The following CCL3L3 variants were observed in gnomAD, a reference collection of about 807,000 sequenced individuals.
CCL3L3 encodes the protein C-C motif chemokine 3-like 1.
A neutral mutation model predicts 9.0 loss-of-function variants in CCL3L3; 6 were observed. The observed-to-expected ratio is 0.67, with a 90% CI of 0.37 to 1.32. CCL3L3 has a LOEUF of 1.32. Ranked by LOEUF, CCL3L3 falls within the 40% of genes most tolerant of loss-of-function variation. The pLI, the probability that CCL3L3 is intolerant of heterozygous loss-of-function variation, is 0.02. For synonymous variants in CCL3L3, 38 were observed against 45.7 expected, an observed-to-expected ratio of 0.83 and a Z score of 0.68; for missense variants, 93 against 117.0, an observed-to-expected ratio of 0.79 and a Z score of 0.95.
chr17:36,196,026 G>A (rs2068617498), intron 1 of CCL3L3, 114 bp from the exon 2 acceptor site: 1 of 1,129,608 alleles, frequency 8.9e-7, no homozygotes, highest in East Asian at 2.7e-5. Flanking sequence ...GTGACTGCAA[G>A]GCATTTGGGG....
At position 36,195,347 on chromosome 17, in the gene CCL3L3, C is replaced by G. The variant is rs1346831990; in HGVS notation, c.221G>C (p.Cys74Ser). 3.2e-6 allele frequency: 5 copies of G among 1,582,824 alleles called. 1 individual carries two copies. The highest frequency in any genetic ancestry group is 4.3e-6 in the Non-Finnish European group (5 of 1,157,738). ...GACCCACTCCTCACTGGGGTCAGCACAGACCTGCCGGCCTCTCTTGGTTAG... is the reference window on the plus strand; with the variant it reads ...GACCCACTCCTCACTGGGGTCAGCAGAGACCTGCCGGCCTCTCTTGGTTAG... ...IFLTKRGRQV[C>S]ADPSEEWVQK... The change falls in exon 3 of 3, where the codon TGT becomes TCT. Residue 74 changes from cysteine to serine, a missense_variant. Transcript: ENST00000619989.
intron 2 of CCL3L3, 140 bp from the exon 3 acceptor site, chr17:36,195,516 T>C: frequency 1.6e-6 from 2 of 1,230,616 alleles, no homozygotes; most frequent in South Asian, 1.2e-5. Flanking sequence ...CCTATCTCCG[T>C]CTAGAGAGCT....
At chr17:36,196,572 T>TA in intron 1 of CCL3L3, 26 bp downstream of exon 1, 1 of 1,577,264 alleles carries the variant, frequency 6.3e-7, no homozygotes, top group South Asian at 1.1e-5. Context: ...AGAGTGGTGA[T>TA]ACCCACAACA....
rs1391105475 is a variant in CCL3L3 at position 36,194,917 on chromosome 17, C to T, written c.*369G>A. 6 of 262,396 alleles carry T rather than the reference C, an allele frequency of 2.3e-5. No individual in the cohort carries two copies. The East Asian group carries it at 2.4e-4, about 10-fold the overall frequency. The allele number at this position is 262,396 out of a possible 1,614,324, so 16.3% of individuals were successfully genotyped here. On this transcript the variant is annotated 3_prime_UTR_variant, in exon 3 of 3. Transcript: ENST00000619989. ...TATTATTTCCCCAGGCCGATCACAG[C>T]CCTGAACAAAAGCATCTGATACACA...
chr17:36,196,018 G>A, intron 1 of CCL3L3, 106 bp from the exon 2 acceptor site: 1 of 1,184,388 alleles, frequency 8.4e-7, no homozygotes, highest in Non-Finnish European at 1.2e-6. Flanking sequence ...CAGACCAAGT[G>A]ACTGCAAGGC....
In CCL3L3 at chr17:36,195,088, A is replaced by G; in HGVS notation, c.*198T>C. 1 of 610,894 alleles carries G rather than the reference A, an allele frequency of 1.6e-6. No individual in the cohort carries two copies. Among genetic ancestry groups the G allele is most frequent in the Non-Finnish European group, 2.8e-6 (1 of 355,402 alleles). The allele number at this position is 610,894 out of a possible 1,614,324, so 37.8% of individuals were successfully genotyped here. On this transcript the variant is annotated 3_prime_UTR_variant, in exon 3 of 3. Coordinates refer to ENST00000619989, the MANE Select transcript of CCL3L3 (RefSeq NM_001001437.4). Reference sequence around the variant, plus strand: ...CAATCACAAACACACTGTGAAATCAAAAATAAATTATAAAAACTAAATAGT... The same window carrying G: ...CAATCACAAACACACTGTGAAATCAGAAATAAATTATAAAAACTAAATAGT...
intron 2 of CCL3L3, 174 bp downstream of exon 2, chr17:36,195,622 CTG>C (rs1435548722): frequency 3.3e-5 from 35 of 1,075,860 alleles, no homozygotes; most frequent in Admixed American, 1.1e-4. Flanking sequence ...CTTCCTGACT[CTG>C]TAACACCCAC....
At chr17:36,196,001 G>C in intron 1 of CCL3L3, 89 bp from the exon 2 acceptor site, 6 of 1,314,052 alleles carry the variant, frequency 4.6e-6, no homozygotes, top group Non-Finnish European at 4.1e-6. Context: ...AGGAGGGCAG[G>C]CTTGCTCAGA....
At chr17:36,195,944 A>G (rs1231512709) in intron 1 of CCL3L3, 32 bp from the exon 2 acceptor site, 1 of 1,203,636 alleles carries the variant, frequency 8.3e-7, no homozygotes, top group Non-Finnish European at 1.1e-6. Context: ...AGCCCGAGTC[A>G]CAGCTCAGAA....
chr17:36,196,226 A>G, intron 1 of CCL3L3: 1 of 638,498 alleles, frequency 1.6e-6, no homozygotes, highest in South Asian at 1.6e-5. Flanking sequence ...CATCTCTCAT[A>G]AGACATCCAA....
rs1252481100 is a variant in CCL3L3 at position 36,196,628 on chromosome 17, C to T, written c.46G>A (p.Ala16Thr). ...AALAVLLCTM[A>T]LCNQVLSAPL... is the part of the protein sequence containing the mutation. ...GCAGAGAGGACCTGGTTGCAGAGAG[C>T]CATGGTGCAGAGGAGGACGGCAAGG... Residue 16 changes from alanine (A) to threonine (T), a missense_variant, in exon 1 of 3, where the codon GCT becomes ACT. Ala to Thr is a moderately conservative substitution (Grantham distance 58). Coordinates refer to ENST00000619989, the MANE Select transcript of CCL3L3 (RefSeq NM_001001437.4). 226 of 1,580,958 alleles carry T rather than the reference C, an allele frequency of 1.4e-4. 29 individuals are homozygous for T. The highest frequency in any genetic ancestry group is 1.9e-4 in the Non-Finnish European group (216 of 1,156,390).
At position 36,196,696 on chromosome 17, in the gene CCL3L3, G is replaced by T; in HGVS notation, c.-23C>A. Reference sequence around the variant, plus strand: ...CATGATTGGGAGCAGGTGATGGAATGTGGGCTCGAGTGTCAGCAGAGCCAA... The same window carrying T: ...CATGATTGGGAGCAGGTGATGGAATTTGGGCTCGAGTGTCAGCAGAGCCAA... On this transcript the variant is annotated 5_prime_UTR_variant, in exon 1 of 3. Transcript: ENST00000619989. 6.3e-7 allele frequency: 1 copy of T among 1,577,336 alleles called. No individual in the cohort carries two copies. The highest frequency in any genetic ancestry group is 8.7e-7 in the Non-Finnish European group (1 of 1,153,522).
rs1480252019 is a variant in CCL3L3 at position 36,196,533 on chromosome 17, A to G, written c.76+65T>C. On this transcript the variant is annotated intron_variant, in intron 1 of 2. Transcript: ENST00000619989. ...TCTTCGGGGCTCTCAGGCCACAAAA[A>G]AAGACTGATGTGGTCTAACCATGGC... The G allele has an allele frequency of 2.6e-6, 4 of 1,536,546 alleles. No individual in the cohort carries two copies. In the East Asian group the frequency reaches 9.0e-5, roughly 35 times the overall value.
At position 36,195,815 on chromosome 17, in the gene CCL3L3, G is replaced by A. The variant is rs1234016383; in HGVS notation, c.174C>T (p.Cys58=). 6.3e-7 allele frequency: 1 copy of A among 1,582,948 alleles called. No homozygotes were observed. The highest frequency in any genetic ancestry group is 1.3e-5 in the African/African-American group (1 of 74,784). ...GCACTTACATGACACTGGGCTTGGA[G>A]CACTGGCTGCTCGTCTCAAAGTAGT... ...IADYFETSSQ[C]SKPSVIFLTK... The change falls in exon 2 of 3, where the codon TGC becomes TGT. Residue 58 remains cysteine, a synonymous_variant. Coordinates refer to ENST00000619989, the MANE Select transcript of CCL3L3 (RefSeq NM_001001437.4).
At chr17:36,195,982 G>A in intron 1 of CCL3L3, 70 bp from the exon 2 acceptor site, 2 of 1,530,608 alleles carry the variant, frequency 1.3e-6, no homozygotes, top group Non-Finnish European at 1.8e-6. Context: ...TCTGATCCCT[G>A]AGTGGTTGAG....
rs2068616836 is a variant in CCL3L3 at position 36,195,962 on chromosome 17, C to T, written c.77-50G>A. 12 of 1,208,074 alleles carry T rather than the reference C, an allele frequency of 9.9e-6. 2 individuals carry two copies. Among genetic ancestry groups the T allele is most frequent in the Non-Finnish European group, 1.2e-5 (11 of 895,072 alleles). 74.8% of individuals were successfully genotyped at this position (1,208,074 alleles called of 1,614,324 possible). A position where few individuals can be genotyped will look rare whatever the true frequency, so the allele number is the denominator to read the frequency against. ...CCGAGTCACAGCTCAGAAGAAAAGG[C>T]CAGGCAGCTTCTGATCCCTGAGTGG... On this transcript the variant is annotated intron_variant, in intron 1 of 2. Coordinates refer to ENST00000619989, the MANE Select transcript of CCL3L3 (RefSeq NM_001001437.4).
rs534180260 is a variant in CCL3L3, at chr17:36,196,512, C to T, written c.76+86G>A. The T allele has an allele frequency of 9.0e-6, 13 of 1,444,620 alleles. No individual in the cohort carries two copies. The African/African-American group carries it at 1.2e-4, about 13-fold the overall frequency. The allele number at this position is 1,444,620 out of a possible 1,614,324, so 89.5% of individuals were successfully genotyped here. A position where few individuals can be genotyped will look rare whatever the true frequency, so the allele number is the denominator to read the frequency against. On this transcript the variant is annotated intron_variant, in intron 1 of 2. Transcript: ENST00000619989. ...TTTAAGAACTTCCTTCTTTTCTCTT[C>T]GGGGCTCTCAGGCCACAAAAAAAGA...
At chr17:36,195,476 A>C (rs2142207389) in intron 2 of CCL3L3, 100 bp from the exon 3 acceptor site, 466 of 1,452,034 alleles carry the variant, frequency 3.2e-4, no homozygotes, top group Middle Eastern at 4.2e-4. Flanking sequence ...TGGGCAGCTC[A>C]AGGCCTGCTC....
chr17:36,196,377 C>T (rs1167263516), intron 1 of CCL3L3: 1 of 724,540 alleles, frequency 1.4e-6, no homozygotes, highest in Non-Finnish European at 2.5e-6. Flanking sequence ...GGGACTGTAA[C>T]TCCCCTGCCC....
Sources: allele counts gnomAD v4.1 joint callset, GRCh38; gene constraint gnomAD v4.1.1; transcripts MANE v1.5; gene names NCBI Gene and HGNC (gene_info 2026-07-23, HGNC 2026-07-21).